The following ST3GAL2 variants were observed in gnomAD, a reference collection of about 807,000 sequenced individuals.
The protein encoded by ST3GAL2 is CMP-N-acetylneuraminate-beta-galactosamide-alpha-2,3-sialyltransferase 2.
Under a neutral mutation model 37.5 loss-of-function variants are expected in ST3GAL2, and 16 were observed. The observed-to-expected ratio is 0.43, with a 90% CI of 0.29 to 0.65. The LOEUF (loss-of-function observed/expected upper bound fraction) is 0.65. ST3GAL2 is among the 30% of genes least tolerant of loss of function. ST3GAL2 has a pLI of 0.17. For missense variants in ST3GAL2, 383 were observed against 487.8 expected (o/e 0.79, Z 2.02); for synonymous variants, 238 against 202.9 (o/e 1.17, Z -1.47).
intron 1 of ST3GAL2, among the ~76,000 whole-genome samples, chr16:70,417,905 G>A (rs986292804): frequency 5.9e-5 from 9 of 152,114 alleles, no homozygotes; most frequent in Admixed American, 3.9e-4. Flanking sequence ...ACTACCTCCC[G>A]GGGTGAAGGG....
intron 1 of ST3GAL2, among the ~76,000 whole-genome samples, chr16:70,405,921 C>T (rs1167756694): frequency 6.6e-6 from 1 of 151,450 alleles, no homozygotes; most frequent in African/African-American, 2.4e-5. Context: ...ATTAGCCAGG[C>T]ATGGTGGCGG....
At chr16:70,397,286 C>T (rs1243764632) in intron 2 of ST3GAL2, among the ~76,000 whole-genome samples, 1 of 151,248 alleles carries the variant, frequency 6.6e-6, no homozygotes, top group African/African-American at 2.4e-5. Flanking sequence ...CATGATCCGT[C>T]CGCCCTGTGC....
intron 1 of ST3GAL2, among the ~76,000 whole-genome samples, chr16:70,437,684 TC>T (rs1346509501): frequency 6.6e-6 from 1 of 152,006 alleles, no homozygotes; most frequent in Non-Finnish European, 1.5e-5. Flanking sequence ...CCAGCAGGCA[TC>T]CCTCCCTGAA....
At chr16:70,384,090 T>A (rs1370290638) in intron 4 of ST3GAL2, among the ~76,000 whole-genome samples, 2 of 152,090 alleles carry the variant, frequency 1.3e-5, no homozygotes, top group African/African-American at 4.8e-5. Context: ...CTCTACTGCA[T>A]CCATTTTAGC....
chr16:70,386,385 G>C (rs1160806191), intron 4 of ST3GAL2, among the ~76,000 whole-genome samples: 1 of 152,012 alleles, frequency 6.6e-6, no homozygotes, highest in Non-Finnish European at 1.5e-5. Flanking sequence ...GTAGAGATGG[G>C]GTTTCACGGT....
In ST3GAL2 at chr16:70,377,479, GA is replaced by G. The variant is rs779676975; in HGVS notation, c.*4209del. 616 of 86,864 alleles carry G rather than the reference GA, an allele frequency of 7.1e-3. 5 individuals are homozygous for G. The highest frequency in any genetic ancestry group is 0.02 in the Middle Eastern group (2 of 102). 5.4% of individuals were successfully genotyped at this position (86,864 alleles called of 1,614,324 possible). A position where few individuals can be genotyped will look rare whatever the true frequency, so the allele number is the denominator to read the frequency against. On this transcript the variant is annotated 3_prime_UTR_variant, in exon 7 of 7. Coordinates refer to ENST00000342907, the MANE Select transcript of ST3GAL2 (RefSeq NM_006927.4). Reference sequence around the variant, plus strand: ...TGGGCAATGGAGAGAGACTCCATCTGAAAAAAAAAAAAAAAAAAGAGAAAAG... The same window carrying G: ...TGGGCAATGGAGAGAGACTCCATCTGAAAAAAAAAAAAAAAAAGAGAAAAG...
chr16:70,420,016 C>CG lies in ST3GAL2; in HGVS notation c.-1004+18932_-1004+18933insC, dbSNP rs936547275. ...ACACCACAACTGACCATTTGACCCC[C>CG]CCCTTCCCTTTTTTTTTTTTTTTTT... On this transcript the variant is annotated intron_variant, in intron 1 of 6. Coordinates refer to ENST00000342907, the MANE Select transcript of ST3GAL2 (RefSeq NM_006927.4). Among the ~76,000 whole-genome samples, 5 of 149,532 alleles carry CG rather than the reference C, an allele frequency of 3.3e-5. No individual in the cohort carries two copies. In the East Asian group the frequency reaches 5.8e-4, roughly 17 times the overall value.
At chr16:70,434,329 C>G (rs184087415) in intron 1 of ST3GAL2, among the ~76,000 whole-genome samples, 5 of 151,886 alleles carry the variant, frequency 3.3e-5, no homozygotes, top group African/African-American at 1.2e-4. Flanking sequence ...CCCAGCTACT[C>G]GGGAGGCTGA....
chr16:70,402,933 G>A (rs529631933), intron 1 of ST3GAL2, among the ~76,000 whole-genome samples: 4 of 152,350 alleles, frequency 2.6e-5, no homozygotes, highest in Admixed American at 2.6e-4. Flanking sequence ...TTACAGGCAT[G>A]AGCCACTGCG....
chr16:70,391,930 A>T (rs1463366940), intron 3 of ST3GAL2, among the ~76,000 whole-genome samples: 1 of 152,184 alleles, frequency 6.6e-6, no homozygotes, highest in East Asian at 1.9e-4. Context: ...TTGACCTAAG[A>T]AACAAACTTC....
At chr16:70,419,630 G>A (rs1567675463) in intron 1 of ST3GAL2, among the ~76,000 whole-genome samples, 1 of 152,322 alleles carries the variant, frequency 6.6e-6, no homozygotes, top group South Asian at 2.1e-4. Context: ...GGGACATGAG[G>A]CCCTGGGTGC....
At chr16:70,433,653 G>A (rs1156409801) in intron 1 of ST3GAL2, among the ~76,000 whole-genome samples, 2 of 152,134 alleles carry the variant, frequency 1.3e-5, no homozygotes, top group Non-Finnish European at 2.9e-5. Context: ...ATGCATCCTG[G>A]CAACAGCGGT....
intron 1 of ST3GAL2, among the ~76,000 whole-genome samples, chr16:70,406,272 C>T (rs2047591789): frequency 6.6e-6 from 1 of 151,866 alleles, no homozygotes; most frequent in Non-Finnish European, 1.5e-5. Context: ...GGTGAAACCC[C>T]ATCTCTACTA....
chr16:70,418,976 T>C (rs955238759), intron 1 of ST3GAL2, among the ~76,000 whole-genome samples: 7 of 152,146 alleles, frequency 4.6e-5, no homozygotes, highest in African/African-American at 1.4e-4. Flanking sequence ...GGGACACAAA[T>C]GCTCTCCTAA....
chr16:70,433,687 T>A (rs1358959783), intron 1 of ST3GAL2, among the ~76,000 whole-genome samples: 1 of 152,116 alleles, frequency 6.6e-6, no homozygotes, highest in South Asian at 2.1e-4. Flanking sequence ...TGGCCTTTGG[T>A]TCCTGCTGCA....
chr16:70,402,116 G>A (rs1238549415), intron 1 of ST3GAL2, among the ~76,000 whole-genome samples: 1 of 150,598 alleles, frequency 6.6e-6, no homozygotes, highest in Non-Finnish European at 1.5e-5. Flanking sequence ...CCTGACCAAC[G>A]TGAAGAAACC....
chr16:70,398,100 G>A (rs1290791415), intron 2 of ST3GAL2, 92 bp downstream of exon 2: 1 of 1,376,950 alleles, frequency 7.3e-7, no homozygotes, highest in Non-Finnish European at 9.9e-7. Flanking sequence ...CAGGCATTTT[G>A]TCAAGGCTCT....
intron 1 of ST3GAL2, among the ~76,000 whole-genome samples, chr16:70,411,755 G>A (rs942650079): frequency 6.6e-6 from 1 of 152,142 alleles, no homozygotes; most frequent in African/African-American, 2.4e-5. Flanking sequence ...AGCACTTCAG[G>A]AGGCTGAGGC....
At chr16:70,407,599 G>A (rs1306956225) in intron 1 of ST3GAL2, among the ~76,000 whole-genome samples, 3 of 152,192 alleles carry the variant, frequency 2.0e-5, no homozygotes. Context: ...CAAGGGCCTT[G>A]AAGACCCCGC....
Sources: allele counts gnomAD v4.1 joint callset (sites outside exome capture counted in the v4.1 genomes callset), GRCh38; gene constraint gnomAD v4.1.1; transcripts MANE v1.5; gene names NCBI Gene and HGNC (gene_info 2026-07-23, HGNC 2026-07-21).